ARB2A: variants seen among roughly 807,000 people sequenced by gnomAD.
The protein encoded by ARB2A is cotranscriptional regulator ARB2A.
the ARB2A span, among the ~76,000 whole-genome samples, chr5:93,870,731 G>C: frequency 7.9e-5 from 12 of 152,340 alleles, no homozygotes; most frequent in East Asian, 1.9e-4. Flanking sequence ...CCACATAAGG[G>C]GGGGTGGAAG....
At chr5:93,789,688 T>C in the ARB2A span, among the ~76,000 whole-genome samples, 19 of 152,328 alleles carry the variant, frequency 1.2e-4, no homozygotes, top group East Asian at 3.5e-3. Flanking sequence ...GTGTGCCCTG[T>C]AGATGACTTA....
the ARB2A span, among the ~76,000 whole-genome samples, chr5:94,079,139 T>C: frequency 2.6e-5 from 4 of 152,224 alleles, no homozygotes; most frequent in Non-Finnish European, 4.4e-5. Flanking sequence ...CAAGACTATA[T>C]TGAAAATAAT....
At chr5:93,995,510 A>T in the ARB2A span, among the ~76,000 whole-genome samples, 1 of 152,208 alleles carries the variant, frequency 6.6e-6, no homozygotes, top group Non-Finnish European at 1.5e-5. Flanking sequence ...GTTGACTGCC[A>T]TCTGAGAAAG....
chr5:93,740,475 A>C, the ARB2A span: 1 of 1,283,264 alleles, frequency 7.8e-7, no homozygotes, highest in African/African-American at 1.5e-5. Flanking sequence ...AGTGAATGAG[A>C]AATTAATACT....
At chr5:93,974,991 T>C in the ARB2A span, among the ~76,000 whole-genome samples, 485 of 152,050 alleles carry the variant, frequency 3.2e-3, 6 homozygotes, top group African/African-American at 0.011. Flanking sequence ...AGAGGAAAGT[T>C]TGTAGTGCTA....
At chr5:93,796,185 A>T in the ARB2A span, among the ~76,000 whole-genome samples, 1 of 152,196 alleles carries the variant, frequency 6.6e-6, no homozygotes, top group African/African-American at 2.4e-5. Flanking sequence ...GAAAATAAAG[A>T]CTGTGCGATA....
chr5:94,054,626 T>C, the ARB2A span, among the ~76,000 whole-genome samples: 3 of 152,128 alleles, frequency 2.0e-5, no homozygotes, highest in African/African-American at 7.2e-5. Flanking sequence ...AACGTTACTG[T>C]TTTTTTCCTC....
chr5:93,776,104 A>G, the ARB2A span: 2 of 1,346,038 alleles, frequency 1.5e-6, no homozygotes, highest in South Asian at 1.4e-5. Flanking sequence ...TTTCATTAGC[A>G]TATTTTTCAC....
chr5:94,017,771 T>G, the ARB2A span, among the ~76,000 whole-genome samples: 2 of 152,206 alleles, frequency 1.3e-5, no homozygotes, highest in Admixed American at 1.3e-4. Flanking sequence ...ATTACAGGAC[T>G]AGTCCTGTGT....
At chr5:94,077,401 T>C in the ARB2A span, among the ~76,000 whole-genome samples, 3 of 151,944 alleles carry the variant, frequency 2.0e-5, no homozygotes, top group Non-Finnish European at 4.4e-5. Flanking sequence ...AATTATTACA[T>C]GTGACCCTAA....
the ARB2A span, among the ~76,000 whole-genome samples, chr5:94,102,189 T>G: frequency 6.6e-6 from 1 of 151,004 alleles, no homozygotes; most frequent in Admixed American, 6.6e-5. Context: ...AGGCTGAAAT[T>G]ATAGACATAG....
the ARB2A span, among the ~76,000 whole-genome samples, chr5:93,830,311 G>GTGTGTATGTGTGTGTATATATATATA: frequency 1.2e-5 from 1 of 82,260 alleles, no homozygotes; most frequent in Non-Finnish European, 2.4e-5. Flanking sequence ...GTGTGTGTGT[G>GTGTGTATGTGTGTGTATATATATATA]TATATATATA....
the ARB2A span, among the ~76,000 whole-genome samples, chr5:93,768,513 A>G: frequency 6.6e-6 from 1 of 150,402 alleles, no homozygotes; most frequent in Non-Finnish European, 1.5e-5. Context: ...TATAGTGTAT[A>G]TACATACATA....
chr5:93,770,965 T>C, the ARB2A span, among the ~76,000 whole-genome samples: 2 of 152,052 alleles, frequency 1.3e-5, no homozygotes, highest in African/African-American at 4.8e-5. Context: ...TTAAAGTTCA[T>C]ATGGAACCAA....
the ARB2A span, chr5:93,738,971 G>T: frequency 1.3e-5 from 2 of 152,116 alleles, no homozygotes; most frequent in Non-Finnish European, 2.9e-5. Context: ...AATAGGCAAA[G>T]GTAAAGTTTC....
the ARB2A span, among the ~76,000 whole-genome samples, chr5:93,947,648 T>A: frequency 9.3e-5 from 13 of 140,398 alleles, no homozygotes; most frequent in African/African-American, 2.7e-4. Context: ...GTATATCTCC[T>A]AATGCTATCC....
chr5:93,891,060 C>T, the ARB2A span, among the ~76,000 whole-genome samples: 1 of 152,134 alleles, frequency 6.6e-6, no homozygotes, highest in South Asian at 2.1e-4. Flanking sequence ...TGTTTTAAGA[C>T]TGGGATTAGG....
the ARB2A span, among the ~76,000 whole-genome samples, chr5:93,780,517 T>C: frequency 6.6e-6 from 1 of 151,826 alleles, no homozygotes; most frequent in African/African-American, 2.4e-5. Context: ...TTTCTTTCTC[T>C]TTCTCTCTTT....
the ARB2A span, among the ~76,000 whole-genome samples, chr5:93,904,546 AT>A: frequency 6.6e-6 from 1 of 151,978 alleles, no homozygotes; most frequent in East Asian, 1.9e-4. Flanking sequence ...CTCTTTGTGT[AT>A]AAATGATGAT....
Sources: allele counts gnomAD v4.1 joint callset (sites outside exome capture counted in the v4.1 genomes callset), GRCh38; gene constraint gnomAD v4.1.1; transcripts MANE v1.5; gene names NCBI Gene and HGNC (gene_info 2026-07-23, HGNC 2026-07-21).